Variants in SHANK2 observed in about 807,000 individuals in gnomAD.
SHANK2 encodes the protein SH3 and multiple ankyrin repeat domains 2.
A neutral mutation model predicts 133.7 loss-of-function variants in SHANK2; 43 were observed. The observed-to-expected ratio is 0.32, with a 90% confidence interval of 0.25 to 0.41. SHANK2 has a LOEUF of 0.41. Among genes scored for constraint, SHANK2 ranks in the 10% least tolerant of loss-of-function variants. The probability of loss-of-function intolerance (pLI) is 1.00; values close to 1 mark genes in which losing one functional copy is unlikely to be tolerated. For synonymous variants in SHANK2, 1,017 were observed against 952.8 expected, an observed-to-expected ratio of 1.07 and a Z score of -1.24; for missense variants, 1,994 against 2,235.8, an observed-to-expected ratio of 0.89 and a Z score of 2.18.
chr11:70,774,025 C>T (rs1947309674), intron 14 of SHANK2, among the ~76,000 whole-genome samples: 1 of 152,174 alleles, frequency 6.6e-6, no homozygotes, highest in East Asian at 1.9e-4. Flanking sequence ...ACCATGCACA[C>T]AAATGTTCAC....
chr11:70,599,913 A>AAGAAAGAAAGAAAGAAAGAAAGAAAG (rs2060464025), intron 17 of SHANK2, among the ~76,000 whole-genome samples: 8 of 71,768 alleles, frequency 1.1e-4, no homozygotes, highest in African/African-American at 5.5e-4. Flanking sequence ...AAGAGAAAGA[A>AAGAAAGAAAGAAAGAAAGAAAGAAAG]AGAAAGAAAG....
intron 10 of SHANK2, among the ~76,000 whole-genome samples, chr11:70,952,160 T>C (rs1950853711): frequency 6.6e-6 from 1 of 152,186 alleles, no homozygotes; most frequent in South Asian, 2.1e-4. Context: ...ACCCAGGTTC[T>C]GCAGACGGGA....
chr11:71,059,227 A>G (rs1950958601), intron 9 of SHANK2, among the ~76,000 whole-genome samples: 1 of 152,222 alleles, frequency 6.6e-6, no homozygotes, highest in Admixed American at 6.5e-5. Flanking sequence ...CGAAAAAATA[A>G]ATAAATAAAA....
At chr11:70,575,829 G>A (rs577303766) in intron 17 of SHANK2, among the ~76,000 whole-genome samples, 10 of 152,058 alleles carry the variant, frequency 6.6e-5, no homozygotes, top group Admixed American at 2.0e-4. Flanking sequence ...GGCGTGGGCT[G>A]GATAGGGTGG....
At chr11:70,783,076 G>A (rs188157081) in intron 14 of SHANK2, among the ~76,000 whole-genome samples, 5 of 152,238 alleles carry the variant, frequency 3.3e-5, no homozygotes, top group East Asian at 1.9e-4. Flanking sequence ...GTCTTTCTGC[G>A]GATGAGGACA....
chr11:70,693,990 T>C (rs1420359793), intron 15 of SHANK2, among the ~76,000 whole-genome samples: 4 of 151,968 alleles, frequency 2.6e-5, no homozygotes, highest in Non-Finnish European at 4.4e-5. Context: ...GCGGGAAGGA[T>C]GGATGTATAA....
chr11:70,545,942 T>C (rs1300519753), intron 17 of SHANK2, among the ~76,000 whole-genome samples: 3 of 152,136 alleles, frequency 2.0e-5, no homozygotes, highest in South Asian at 2.1e-4. Context: ...GCATCACTTA[T>C]GGCAACCAGT....
chr11:70,901,440 A>C (rs1950021654), intron 10 of SHANK2, among the ~76,000 whole-genome samples: 2 of 152,204 alleles, frequency 1.3e-5, no homozygotes, highest in African/African-American at 4.8e-5. Flanking sequence ...TAGTCCTGTA[A>C]GAACGGACGC....
chr11:70,852,715 T>C (rs1205418102), intron 11 of SHANK2, among the ~76,000 whole-genome samples: 6 of 152,194 alleles, frequency 3.9e-5, no homozygotes, highest in Non-Finnish European at 8.8e-5. Context: ...TGATGGTGCA[T>C]GCCTGTAGTC....
chr11:71,075,837 A>G (rs1163721644), intron 8 of SHANK2, among the ~76,000 whole-genome samples: 4 of 152,190 alleles, frequency 2.6e-5, no homozygotes, highest in African/African-American at 9.6e-5. Context: ...ACGCAGGGGT[A>G]GGGCAGACCC....
At chr11:70,795,830 A>C (rs1482423194) in intron 14 of SHANK2, among the ~76,000 whole-genome samples, 3 of 152,238 alleles carry the variant, frequency 2.0e-5, no homozygotes, top group African/African-American at 7.2e-5. Flanking sequence ...GCCATGAGCC[A>C]AGGATGTCGG....
chr11:70,601,218 A>ATT (rs34893050), intron 17 of SHANK2, among the ~76,000 whole-genome samples: 152 of 147,930 alleles, frequency 1.0e-3, no homozygotes, highest in South Asian at 9.9e-3. Flanking sequence ...CGCCCAGCTA[A>ATT]TTTTTTTTTT....
chr11:70,593,534 G>A (rs1171588352), intron 17 of SHANK2, among the ~76,000 whole-genome samples: 3 of 152,138 alleles, frequency 2.0e-5, no homozygotes, highest in Non-Finnish European at 2.9e-5. Context: ...CCTGCCCCAC[G>A]GGACGTCTGA....
intron 10 of SHANK2, among the ~76,000 whole-genome samples, chr11:70,911,685 C>G (rs1555079044): frequency 6.6e-6 from 1 of 152,190 alleles, no homozygotes; most frequent in Admixed American, 6.5e-5. Context: ...GCTGTGAGTG[C>G]ACCTGCAGCT....
In SHANK2 at chr11:70,827,701, A is replaced by G. The variant is rs1948666330; in HGVS notation, c.1175-7019T>C. On this transcript the variant is annotated intron_variant, in intron 11 of 25. Coordinates refer to ENST00000601538, the MANE Select transcript of SHANK2 (RefSeq NM_012309.5). The stretch of plus-strand genomic sequence containing the variant: ...CTTCAGAAATTTAAAACACACACAC[A>G]CACACACACACACACACACACACAC... Among the ~76,000 whole-genome samples the G allele has an allele frequency of 4.3e-5, 4 of 93,132 alleles. No homozygotes were observed. The South Asian group carries it at 9.6e-4, about 22-fold the overall frequency. 61.1% of individuals were successfully genotyped at this position (93,132 alleles called of 152,430 possible).
intron 17 of SHANK2, among the ~76,000 whole-genome samples, chr11:70,605,028 T>C (rs1436594314): frequency 6.6e-6 from 1 of 152,178 alleles, no homozygotes; most frequent in African/African-American, 2.4e-5. Context: ...CAGGACCAGA[T>C]GGGCCTTGGT....
At chr11:71,086,823 G>T (rs1951426134) in intron 8 of SHANK2, among the ~76,000 whole-genome samples, 1 of 152,140 alleles carries the variant, frequency 6.6e-6, no homozygotes, top group Non-Finnish European at 1.5e-5. Context: ...TCCCTTATCT[G>T]CTCCGTCCCT....
At chr11:71,154,520 C>A (rs1231384039) in intron 2 of SHANK2, among the ~76,000 whole-genome samples, 3 of 152,218 alleles carry the variant, frequency 2.0e-5, no homozygotes, top group Non-Finnish European at 2.9e-5. Flanking sequence ...CCTGCACCTG[C>A]AAAACACATC....
intron 17 of SHANK2, among the ~76,000 whole-genome samples, chr11:70,598,174 T>C (rs958107971): frequency 6.6e-6 from 1 of 152,154 alleles, no homozygotes; most frequent in African/African-American, 2.4e-5. Flanking sequence ...TGGAGCCCGT[T>C]TGCAGCTGCA....
Sources: allele counts gnomAD v4.1 joint callset (sites outside exome capture counted in the v4.1 genomes callset), GRCh38; gene constraint gnomAD v4.1.1; transcripts MANE v1.5; gene names NCBI Gene and HGNC (gene_info 2026-07-23, HGNC 2026-07-21).